Variants in BTBD9 observed in about 807,000 individuals in gnomAD.
BTBD9 encodes BTB/POZ domain-containing protein 9.
In BTBD9, 49 loss-of-function variants were observed where a neutral mutation model predicts 64.3. The observed-to-expected ratio is 0.76, with a 90% confidence interval of 0.61 to 0.97. BTBD9 has a LOEUF of 0.97. Ranked by LOEUF, BTBD9 falls within the 50% of genes least tolerant of loss-of-function variation. The pLI, the probability that BTBD9 is intolerant of heterozygous loss-of-function variation, is 0.00. For synonymous variants in BTBD9, 260 were observed against 274.7 expected, an observed-to-expected ratio of 0.95 and a Z score of 0.53; for missense variants, 598 against 762.1, an observed-to-expected ratio of 0.78 and a Z score of 2.53.
rs116849178 is a variant in BTBD9, at chr6:38,540,998, T to C, written c.1154+36602A>G. Among the ~76,000 whole-genome samples, 11 of 152,288 alleles carry C rather than the reference T, an allele frequency of 7.2e-5. No individual in the cohort carries two copies. In the East Asian group the frequency reaches 2.1e-3, roughly 29 times the overall value. On this transcript the variant is annotated intron_variant, in intron 6 of 10. Coordinates refer to ENST00000481247, the MANE Select transcript of BTBD9 (RefSeq NM_001099272.2). ...CTAAACAGGGCCCTTCTCTTTCACATACATTCACAGCTTGATGAGAAGGAC... is the reference window on the plus strand; with the variant it reads ...CTAAACAGGGCCCTTCTCTTTCACACACATTCACAGCTTGATGAGAAGGAC...
chr6:38,328,564 C>CGTATGT (rs1554139323), intron 7 of BTBD9, among the ~76,000 whole-genome samples: 33 of 130,502 alleles, frequency 2.5e-4, no homozygotes, highest in African/African-American at 1.0e-3. Flanking sequence ...TTTAAGCCAC[C>CGTATGT]GTGTGTGTGT....
chr6:38,323,255 C>T (rs1763304016), intron 7 of BTBD9, among the ~76,000 whole-genome samples: 3 of 152,308 alleles, frequency 2.0e-5, no homozygotes, highest in African/African-American at 7.2e-5. Flanking sequence ...AACCAAATCC[C>T]CTCCCTCTGC....
intron 6 of BTBD9, among the ~76,000 whole-genome samples, chr6:38,463,258 T>C (rs774686719): frequency 6.6e-6 from 1 of 152,254 alleles, no homozygotes; most frequent in Admixed American, 6.5e-5. Context: ...ATTCACTTAT[T>C]AGTTTTAGTA....
rs555979464 is a variant in BTBD9, at chr6:38,168,610, A to G, written c.*6375T>C. 4 of 152,360 alleles carry G rather than the reference A, an allele frequency of 2.6e-5. No individual in the cohort carries two copies. The highest frequency in any genetic ancestry group is 4.8e-5 in the African/African-American group (2 of 41,572). The allele number at this position is 152,360 out of a possible 1,614,324, so 9.4% of individuals were successfully genotyped here. A position where few individuals can be genotyped will look rare whatever the true frequency, so the allele number is the denominator to read the frequency against. On this transcript the variant is annotated 3_prime_UTR_variant, in exon 11 of 11. Transcript: ENST00000481247. ...TGCTCACAAATAATACACATTCCACATAGCAGCACAGCCTTTTGGGCATCT... is the reference window on the plus strand; with the variant it reads ...TGCTCACAAATAATACACATTCCACGTAGCAGCACAGCCTTTTGGGCATCT...
intron 6 of BTBD9, among the ~76,000 whole-genome samples, chr6:38,507,897 G>T (rs552120326): frequency 6.8e-6 from 1 of 147,940 alleles, no homozygotes; most frequent in Non-Finnish European, 1.5e-5. Flanking sequence ...GCAGTGGCGC[G>T]ATCTCGGCTC....
At chr6:38,429,179 G>T (rs1562173366) in intron 6 of BTBD9, among the ~76,000 whole-genome samples, 1 of 150,858 alleles carries the variant, frequency 6.6e-6, no homozygotes, top group Non-Finnish European at 1.5e-5. Context: ...ACTGGGCTGG[G>T]CATGGTGGCT....
chr6:38,374,298 T>TATATATATAC (rs1562095366), intron 6 of BTBD9, among the ~76,000 whole-genome samples: 1 of 50,818 alleles, frequency 2.0e-5, no homozygotes, highest in South Asian at 9.8e-4. Flanking sequence ...TATATATATG[T>TATATATATAC]ATATATATGT....
At chr6:38,575,048 C>T (rs1183977004) in intron 6 of BTBD9, among the ~76,000 whole-genome samples, 1 of 152,188 alleles carries the variant, frequency 6.6e-6, no homozygotes, top group Non-Finnish European at 1.5e-5. Context: ...ATACATGACA[C>T]ATTCTTCAGG....
intron 6 of BTBD9, among the ~76,000 whole-genome samples, chr6:38,358,033 C>G (rs867848369): frequency 3.3e-5 from 5 of 152,146 alleles, no homozygotes; most frequent in Admixed American, 6.5e-5. Context: ...CTTTCTCTCT[C>G]TCTCTCTAAA....
chr6:38,378,381 T>C (rs891729489), intron 6 of BTBD9, among the ~76,000 whole-genome samples: 1 of 151,492 alleles, frequency 6.6e-6, no homozygotes, highest in African/African-American at 2.4e-5. Context: ...GTAGCTGGGA[T>C]TGCAGGCACA....
At chr6:38,451,951 C>A (rs1240107331) in intron 6 of BTBD9, among the ~76,000 whole-genome samples, 2 of 152,100 alleles carry the variant, frequency 1.3e-5, no homozygotes, top group Admixed American at 6.5e-5. Flanking sequence ...TTTTTAAAGT[C>A]CTCATTCTTT....
chr6:38,203,728 T>C (rs1403563828), intron 9 of BTBD9, among the ~76,000 whole-genome samples: 3 of 150,338 alleles, frequency 2.0e-5, no homozygotes, highest in Admixed American at 1.3e-4. Context: ...AACAGAATGA[T>C]AGATGCCAAA....
intron 9 of BTBD9, among the ~76,000 whole-genome samples, chr6:38,224,173 G>A (rs571088663): frequency 5.9e-5 from 9 of 152,052 alleles, no homozygotes; most frequent in East Asian, 1.9e-4. Flanking sequence ...AGATTGTGCC[G>A]CTGCACTCCA....
intron 7 of BTBD9, among the ~76,000 whole-genome samples, chr6:38,316,073 C>T (rs1386137758): frequency 6.6e-6 from 1 of 152,134 alleles, no homozygotes; most frequent in Non-Finnish European, 1.5e-5. Context: ...TTATTTGTCT[C>T]TTTTTATAGA....
intron 6 of BTBD9, among the ~76,000 whole-genome samples, chr6:38,518,517 C>G (rs1381222109): frequency 6.6e-6 from 1 of 152,186 alleles, no homozygotes; most frequent in African/African-American, 2.4e-5. Flanking sequence ...GACCTTATGC[C>G]TGGACCTGTA....
chr6:38,308,546 T>C (rs905538626), intron 7 of BTBD9, among the ~76,000 whole-genome samples: 3 of 152,234 alleles, frequency 2.0e-5, no homozygotes, highest in African/African-American at 4.8e-5. Flanking sequence ...TTTTTCCTTC[T>C]TCCCTAAAAG....
At chr6:38,600,842 T>C (rs1777216298) in intron 1 of BTBD9, among the ~76,000 whole-genome samples, 1 of 152,236 alleles carries the variant, frequency 6.6e-6, no homozygotes, top group South Asian at 2.1e-4. Context: ...TCCAGATCTC[T>C]ACTTCTCAAT....
At chr6:38,577,389 C>T (rs1483967670) in intron 6 of BTBD9, among the ~76,000 whole-genome samples, 3 of 152,164 alleles carry the variant, frequency 2.0e-5, no homozygotes, top group Admixed American at 6.5e-5. Flanking sequence ...ACATATTATA[C>T]AAGACATGTT....
intron 6 of BTBD9, among the ~76,000 whole-genome samples, chr6:38,479,712 C>T (rs1771045875): frequency 1.3e-5 from 2 of 152,108 alleles, no homozygotes; most frequent in Admixed American, 6.6e-5. Context: ...ATAGGGGGCA[C>T]TAAAATCTTT....
Sources: allele counts gnomAD v4.1 joint callset (sites outside exome capture counted in the v4.1 genomes callset), GRCh38; gene constraint gnomAD v4.1.1; transcripts MANE v1.5; gene names NCBI Gene and HGNC (gene_info 2026-07-23, HGNC 2026-07-21).